Variants in FAM161B observed in about 807,000 individuals in gnomAD.
FAM161B encodes the protein FAM161 centrosomal protein B.
In FAM161B, 46 loss-of-function variants were observed where a neutral mutation model predicts 61.5. The observed-to-expected ratio is 0.75, with a 90% CI of 0.59 to 0.96. The LOEUF (loss-of-function observed/expected upper bound fraction) is 0.96, where lower values mean the gene tolerates loss of function less well. Among genes scored for constraint, FAM161B ranks in the 40% least tolerant of loss-of-function variants. The probability of loss-of-function intolerance (pLI) is 0.00; values close to 1 mark genes in which losing one functional copy is unlikely to be tolerated. For synonymous variants in FAM161B, 284 were observed against 302.7 expected (o/e 0.94, Z 0.64); for missense variants, 774 against 800.7 (o/e 0.97, Z 0.40).
At chr14:73,949,372 ACCGCACCCGGC>A (rs2056104250) in intron 1 of FAM161B, among the ~76,000 whole-genome samples, 1 of 151,564 alleles carries the variant, frequency 6.6e-6, no homozygotes, top group East Asian at 1.9e-4. Flanking sequence ...GGAGTAAGCC[ACCGCACCCGGC>A]CAATTTTTGT....
In FAM161B at chr14:73,933,316, C is replaced by T. The variant is rs1594774008; in HGVS notation, c.*940G>A. 6.6e-6 allele frequency: 1 copy of T among 152,218 alleles called. No individual in the cohort carries two copies. Among genetic ancestry groups the T allele is most frequent in the Non-Finnish European group, 1.5e-5 (1 of 68,048 alleles). The allele number at this position is 152,218 out of a possible 1,614,324, so 9.4% of individuals were successfully genotyped here. ...CTACTGGCATCTAGCAGGTAGTGGC[C>T]AGGGATGCTACTAAACATTCTACAA... On this transcript the variant is annotated 3_prime_UTR_variant, in exon 9 of 9. Coordinates refer to ENST00000286544, the MANE Select transcript of FAM161B (RefSeq NM_152445.3).
the FAM161B span, chr14:73,924,955 G>C: frequency 3.6e-6 from 1 of 274,882 alleles, no homozygotes; most frequent in African/African-American, 2.3e-5. Flanking sequence ...GGAATTACAG[G>C]CGTGAGCCAC....
intron 5 of FAM161B, among the ~76,000 whole-genome samples, chr14:73,940,436 G>A (rs1015090769): frequency 1.3e-5 from 2 of 152,042 alleles, no homozygotes; most frequent in African/African-American, 2.4e-5. Flanking sequence ...TCTCACCCAT[G>A]GGCTTTTATC....
downstream of FAM161B, chr14:73,931,812 C>CA: frequency 2.1e-6 from 1 of 476,678 alleles, no homozygotes; most frequent in Middle Eastern, 3.1e-4. Flanking sequence ...TGGGATAGAC[C>CA]AAAAGTGAAT....
At chr14:73,930,256 GTTTC>G (rs1411017693), downstream of FAM161B, among the ~76,000 whole-genome samples, 12 of 152,244 alleles carry the variant, frequency 7.9e-5, no homozygotes, top group East Asian at 1.2e-3. Flanking sequence ...GGAATATGTG[GTTTC>G]TTTAAGGTTT....
intron 5 of FAM161B, among the ~76,000 whole-genome samples, chr14:73,939,480 T>C (rs1055688136): frequency 6.6e-6 from 1 of 152,198 alleles, no homozygotes. Flanking sequence ...TCCCTTTTTA[T>C]AGGGGAGGTG....
downstream of FAM161B, chr14:73,927,024 A>G (rs370575964): frequency 5.5e-4 from 84 of 153,816 alleles, no homozygotes; most frequent in African/African-American, 2.4e-4. Flanking sequence ...GCCTAGATCT[A>G]TTTTTCATTA....
chr14:73,935,211 C>G (rs1173154608), intron 8 of FAM161B, among the ~76,000 whole-genome samples: 4 of 152,016 alleles, frequency 2.6e-5, no homozygotes, highest in African/African-American at 9.7e-5. Context: ...ATACTATTTT[C>G]TCCCTTTGAC....
Position 73,933,800 on chromosome 14 carries a change from C to A in FAM161B, c.*456G>T. On this transcript the variant is annotated 3_prime_UTR_variant, in exon 9 of 9. Transcript: ENST00000286544. ...ACCTGAGCCTCCCCACTTTGATTTC[C>A]TTGAACTATTCTCTGTTATCTGCTG... The A allele has an allele frequency of 6.5e-6, 1 of 153,426 alleles. No homozygotes were observed. Among genetic ancestry groups the A allele is most frequent in the Non-Finnish European group, 1.5e-5 (1 of 68,846 alleles). The allele number at this position is 153,426 out of a possible 1,614,324, so 9.5% of individuals were successfully genotyped here.
intron 7 of FAM161B, among the ~76,000 whole-genome samples, chr14:73,937,022 G>T (rs1240411624): frequency 2.0e-5 from 3 of 152,022 alleles, no homozygotes; most frequent in Non-Finnish European, 2.9e-5. Flanking sequence ...CGGGTACACT[G>T]CCTATGGGTT....
chr14:73,938,784 T>A (rs11159050), intron 5 of FAM161B, among the ~76,000 whole-genome samples: 79,981 of 151,860 alleles, frequency 0.53, 23,126 homozygotes, highest in Admixed American at 0.63. Context: ...AAAATAATAA[T>A]AAATAAATAA....
rs1234760270 is a variant in FAM161B at position 73,941,059 on chromosome 14, A to G, written c.1273-6T>C. The G allele has an allele frequency of 6.2e-7, 1 of 1,610,604 alleles. No individual in the cohort carries two copies. Among genetic ancestry groups the G allele is most frequent in the South Asian group, 1.1e-5 (1 of 90,960 alleles). ...GCTGGTGGCTGTGGGGAATCCTAGA[A>G]GAAACAAAGGTTGGTATTGGTGGGA... On this transcript the variant is annotated splice_polypyrimidine_tract_variant and splice_region_variant and intron_variant, in intron 4 of 8. Transcript: ENST00000286544.
intron 1 of FAM161B, 150 bp downstream of exon 1, chr14:73,949,823 G>A: frequency 8.8e-7 from 1 of 1,140,692 alleles, no homozygotes; most frequent in Non-Finnish European, 1.2e-6. Context: ...GTTCAGGTCT[G>A]TAAGTCAGAG....
In FAM161B at chr14:73,934,070, C is replaced by T; in HGVS notation, c.*186G>A. 1.7e-6 allele frequency: 1 copy of T among 589,974 alleles called. No individual in the cohort carries two copies. The highest frequency in any genetic ancestry group is 2.8e-6 in the Non-Finnish European group (1 of 359,918). The allele number at this position is 589,974 out of a possible 1,614,324, so 36.5% of individuals were successfully genotyped here. On this transcript the variant is annotated 3_prime_UTR_variant, in exon 9 of 9. Coordinates refer to ENST00000286544, the MANE Select transcript of FAM161B (RefSeq NM_152445.3). ...CTCCTGACCTCAGATGATCTGCCTG[C>T]CTCAGCCTCCCAAAGTGTTGGGATT...
rs1194065964 is a variant in FAM161B, at chr14:73,932,419, A to C, written c.*1837T>G. ...CCGAGGAGTCTTAGGAAACAACAAG[A>C]ACATCTTCATTTCTTAAGCCCAGGT... is the stretch of plus-strand genomic sequence containing the variant. On this transcript the variant is annotated 3_prime_UTR_variant, in exon 9 of 9. Transcript: ENST00000286544. The C allele has an allele frequency of 2.2e-6, 1 of 452,528 alleles. No individual in the cohort carries two copies. The highest frequency in any genetic ancestry group is 4.4e-6 in the Non-Finnish European group (1 of 226,070). 28.0% of individuals were successfully genotyped at this position (452,528 alleles called of 1,614,324 possible).
intron 5 of FAM161B, 104 bp from the exon 6 acceptor site, chr14:73,938,216 T>C (rs1594775794): frequency 7.2e-7 from 1 of 1,384,852 alleles, no homozygotes; most frequent in Non-Finnish European, 9.9e-7. Context: ...CCTAGCACTT[T>C]GGGAGGCCAA....
At chr14:73,942,903 C>G (rs1036627492) in intron 3 of FAM161B, among the ~76,000 whole-genome samples, 188 bp from the exon 4 acceptor site, 1 of 151,746 alleles carries the variant, frequency 6.6e-6, no homozygotes, top group Non-Finnish European at 1.5e-5. Flanking sequence ...AATTATGCCA[C>G]AGAAAATAAC....
At chr14:73,949,882 G>C (rs567546356) in intron 1 of FAM161B, 91 bp downstream of exon 1, 211 of 1,536,024 alleles carry the variant, frequency 1.4e-4, no homozygotes, top group Non-Finnish European at 1.8e-4. Flanking sequence ...GCCCCTCCGT[G>C]ACACGCCCCT....
At chr14:73,923,256 A>G in the FAM161B span, 6 of 957,450 alleles carry the variant, frequency 6.3e-6, no homozygotes, top group Admixed American at 3.6e-5. Flanking sequence ...CTTATCAGAC[A>G]GGATTAACTT....
Sources: allele counts gnomAD v4.1 joint callset (sites outside exome capture counted in the v4.1 genomes callset), GRCh38; gene constraint gnomAD v4.1.1; transcripts MANE v1.5; gene names NCBI Gene and HGNC (gene_info 2026-07-23, HGNC 2026-07-21).